Variants in LIMD1 observed in about 807,000 individuals in gnomAD.
LIMD1 encodes LIM domain-containing protein 1.
In LIMD1, 23 loss-of-function variants were observed where a neutral mutation model predicts 58.4. The ratio of observed to expected loss-of-function variants is 0.39; its 90% confidence interval spans 0.28 to 0.56. The LOEUF is 0.56. Among genes scored for constraint, LIMD1 ranks in the 20% least tolerant of loss-of-function variants. The probability of loss-of-function intolerance (pLI) is 0.57; values close to 1 mark genes in which losing one functional copy is unlikely to be tolerated. For missense variants in LIMD1, 838 were observed against 855.5 expected (o/e 0.98, Z 0.25); for synonymous variants, 334 against 345.5 (o/e 0.97, Z 0.37).
At chr3:45,611,105 C>G (rs928571240) in intron 1 of LIMD1, among the ~76,000 whole-genome samples, 1 of 152,212 alleles carries the variant, frequency 6.6e-6, no homozygotes, top group African/African-American at 2.4e-5. Context: ...TGTATACATT[C>G]TCTTGCTTTG....
intron 4 of LIMD1, 129 bp from the exon 5 acceptor site, chr3:45,672,561 G>A: frequency 9.6e-7 from 1 of 1,043,640 alleles, no homozygotes; most frequent in Non-Finnish European, 1.4e-6. Context: ...CTTCTCCTAG[G>A]TGAAACTCGG....
intron 2 of LIMD1, among the ~76,000 whole-genome samples, chr3:45,665,083 CT>C (rs1302284974): frequency 6.6e-6 from 1 of 152,066 alleles, no homozygotes; most frequent in East Asian, 1.9e-4. Flanking sequence ...GTGCTTTGAA[CT>C]TTTCCCACTC....
intron 1 of LIMD1, among the ~76,000 whole-genome samples, chr3:45,609,101 T>G (rs1172020347): frequency 6.6e-6 from 1 of 152,228 alleles, no homozygotes; most frequent in Admixed American, 6.5e-5. Context: ...TCTCCATAAC[T>G]TGTGCCTGGT....
intron 7 of LIMD1, among the ~76,000 whole-genome samples, chr3:45,676,489 T>C (rs2578680): frequency 2.0e-5 from 3 of 152,176 alleles, no homozygotes; most frequent in Non-Finnish European, 4.4e-5. Flanking sequence ...GTGTGTGTTG[T>C]TCCCCTCCCT....
In LIMD1 at chr3:45,595,115, A is replaced by G. The variant is rs777485555; in HGVS notation, c.236A>G (p.Asn79Ser). 2 of 1,609,492 alleles carry G rather than the reference A, an allele frequency of 1.2e-6. No individual in the cohort carries two copies. The highest frequency in any genetic ancestry group is 1.7e-6 in the Non-Finnish European group (2 of 1,177,582). ...CCCAGGGGGAGTAGAGGCCCTGTCA[A>G]TGGAGGGGGCCGCCTGGGCCCACAG... ...TLPRGSRGPV[N>S]GGGRLGPQAR... The change falls in exon 1 of 8, where the codon AAT (asparagine) becomes AGT (serine). Residue 79 changes from asparagine to serine, a missense_variant. Physicochemically the swap from Asn to Ser is conservative, Grantham distance 46 (BLOSUM62 1). This residue lies in a region of LIMD1 where 659 missense variants were observed against 639.8 expected (regional missense o/e 1.03). Coordinates refer to ENST00000273317, the MANE Select transcript of LIMD1 (RefSeq NM_014240.3).
chr3:45,649,856 T>G (rs1701949396), intron 2 of LIMD1, among the ~76,000 whole-genome samples: 1 of 146,662 alleles, frequency 6.8e-6, no homozygotes, highest in African/African-American at 2.5e-5. Flanking sequence ...TTGTTTTTTT[T>G]TTTTTTACTA....
At chr3:45,631,643 C>A (rs1044528286) in intron 1 of LIMD1, among the ~76,000 whole-genome samples, 5 of 152,092 alleles carry the variant, frequency 3.3e-5, no homozygotes, top group Admixed American at 6.5e-5. Context: ...GGTCACAGCC[C>A]TCAGAGAGAG....
chr3:45,663,606 G>T (rs944596511), intron 2 of LIMD1, among the ~76,000 whole-genome samples: 1 of 152,062 alleles, frequency 6.6e-6, no homozygotes, highest in Non-Finnish European at 1.5e-5. Flanking sequence ...TTATTCCTAA[G>T]GTATAACAGG....
chr3:45,661,413 AAC>A (rs1440151293), intron 2 of LIMD1, among the ~76,000 whole-genome samples: 1 of 152,174 alleles, frequency 6.6e-6, no homozygotes, highest in Non-Finnish European at 1.5e-5. Flanking sequence ...TTTTTTTGAA[AAC>A]ACAATCTTTT....
At chr3:45,644,786 A>G (rs1005755078) in intron 2 of LIMD1, among the ~76,000 whole-genome samples, 13 of 152,142 alleles carry the variant, frequency 8.5e-5, no homozygotes, top group Admixed American at 6.5e-5. Flanking sequence ...CCTTGCCTTG[A>G]CTTTTCAGGT....
intron 1 of LIMD1, among the ~76,000 whole-genome samples, chr3:45,623,190 C>T (rs1432526250): frequency 6.6e-6 from 1 of 152,160 alleles, no homozygotes; most frequent in Non-Finnish European, 1.5e-5. Context: ...CTTGGCCATT[C>T]CTATTTCGTA....
intron 1 of LIMD1, among the ~76,000 whole-genome samples, chr3:45,628,607 T>G (rs1701693812): frequency 6.6e-6 from 1 of 152,240 alleles, no homozygotes; most frequent in Non-Finnish European, 1.5e-5. Context: ...TGTCAATTTC[T>G]TAAACAGTTA....
Position 45,681,281 on chromosome 3 carries a change from C to G in LIMD1, c.*4222C>G, listed in dbSNP as rs1697739262. On this transcript the variant is annotated 3_prime_UTR_variant, in exon 8 of 8. Coordinates refer to ENST00000273317, the MANE Select transcript of LIMD1 (RefSeq NM_014240.3). Reference sequence around the variant, plus strand: ...GAACATTATATTTCCTGGGTCTTTTCTGTGTGTGGAGTCAGCAAACTGTTT... The same window carrying G: ...GAACATTATATTTCCTGGGTCTTTTGTGTGTGTGGAGTCAGCAAACTGTTT... 1 of 152,184 alleles carries G rather than the reference C, an allele frequency of 6.6e-6. No homozygotes were observed. The highest frequency in any genetic ancestry group is 1.5e-5 in the Non-Finnish European group (1 of 68,034). The allele number at this position is 152,184 out of a possible 1,614,324, so 9.4% of individuals were successfully genotyped here. A position where few individuals can be genotyped will look rare whatever the true frequency, so the allele number is the denominator to read the frequency against.
intron 1 of LIMD1, chr3:45,612,918 G>C (rs1052835099): frequency 3.9e-5 from 6 of 152,182 alleles, no homozygotes; most frequent in African/African-American, 1.4e-4. Context: ...AAAAGTTTGA[G>C]TCCCCTGACG....
intron 2 of LIMD1, among the ~76,000 whole-genome samples, chr3:45,639,882 C>G (rs998164323): frequency 6.6e-6 from 1 of 152,152 alleles, no homozygotes; most frequent in Admixed American, 6.5e-5. Flanking sequence ...AGGCTGGTCT[C>G]GAAGTCCTGA....
chr3:45,643,167 G>A (rs974447047), intron 2 of LIMD1, among the ~76,000 whole-genome samples: 3 of 152,170 alleles, frequency 2.0e-5, no homozygotes, highest in Non-Finnish European at 4.4e-5. Context: ...TTGTGGGGTT[G>A]AGTGGACTTC....
At chr3:45,664,437 TG>T (rs1265531738) in intron 2 of LIMD1, among the ~76,000 whole-genome samples, 2 of 152,256 alleles carry the variant, frequency 1.3e-5, no homozygotes, top group Non-Finnish European at 2.9e-5. Flanking sequence ...AGTATGAAGC[TG>T]ACTTAGCTAT....
intron 1 of LIMD1, among the ~76,000 whole-genome samples, chr3:45,602,262 T>C (rs570222170): frequency 1.3e-5 from 2 of 152,244 alleles, no homozygotes; most frequent in East Asian, 1.9e-4. Flanking sequence ...CTGTGGACTT[T>C]TGTGTCCCCT....
intron 1 of LIMD1, among the ~76,000 whole-genome samples, chr3:45,614,291 G>A (rs1701556074): frequency 6.6e-6 from 1 of 151,748 alleles, no homozygotes; most frequent in Admixed American, 6.6e-5. Flanking sequence ...ACTTTGGGAG[G>A]CCGAGGCGGG....
Sources: allele counts gnomAD v4.1 joint callset (sites outside exome capture counted in the v4.1 genomes callset), GRCh38; gene constraint gnomAD v4.1.1; regional missense constraint gnomAD v4.1.1; transcripts MANE v1.5; gene names NCBI Gene and HGNC (gene_info 2026-07-23, HGNC 2026-07-21).